The following AKT3 variants were observed in gnomAD, a reference collection of about 807,000 sequenced individuals.
The protein encoded by AKT3 is RAC-gamma serine/threonine-protein kinase.
Under a neutral mutation model 65.3 loss-of-function variants are expected in AKT3, and 15 were observed. That is an observed-to-expected ratio of 0.23 (90% CI 0.15 to 0.35). The LOEUF (loss-of-function observed/expected upper bound fraction) is 0.35. AKT3 is among the 10% of genes least tolerant of loss of function. The pLI is 1.00. For synonymous variants in AKT3, 206 were observed against 183.8 expected, an observed-to-expected ratio of 1.12 and a Z score of -0.98; for missense variants, 243 against 576.5, an observed-to-expected ratio of 0.42 and a Z score of 5.92.
chr1:243,517,968 G>A (rs928618572), intron 12 of AKT3, among the ~76,000 whole-genome samples: 4 of 152,198 alleles, frequency 2.6e-5, no homozygotes, highest in African/African-American at 9.7e-5. Flanking sequence ...ATTCAGTCTT[G>A]CAGCTGAGTA....
intron 2 of AKT3, among the ~76,000 whole-genome samples, chr1:243,710,899 C>T (rs1686103277): frequency 1.3e-5 from 2 of 152,140 alleles, no homozygotes; most frequent in African/African-American, 2.4e-5. Flanking sequence ...CTAGGTGTTC[C>T]AAAGTCTCAT....
At chr1:243,607,772 G>A (rs566438185) in intron 8 of AKT3, among the ~76,000 whole-genome samples, 1 of 152,300 alleles carries the variant, frequency 6.6e-6, no homozygotes, top group East Asian at 1.9e-4. Flanking sequence ...ATCTTGAATT[G>A]TAGCTCCCAA....
At chr1:243,814,871 G>A (rs1558838197) in intron 2 of AKT3, 1 of 152,188 alleles carries the variant, frequency 6.6e-6, no homozygotes. Flanking sequence ...TCAAACAAAG[G>A]ACAATTAGGA....
intron 3 of AKT3, among the ~76,000 whole-genome samples, chr1:243,686,856 G>A (rs1419570963): frequency 6.7e-6 from 1 of 149,378 alleles, no homozygotes; most frequent in Non-Finnish European, 1.5e-5. Flanking sequence ...TAGAGATGGG[G>A]GTTTCATCAT....
At chr1:243,715,684 G>C (rs931387038) in intron 2 of AKT3, among the ~76,000 whole-genome samples, 4 of 151,640 alleles carry the variant, frequency 2.6e-5, no homozygotes, top group Admixed American at 2.6e-4. Flanking sequence ...AAATAAACGA[G>C]GGAAAGAAAA....
At chr1:243,765,365 G>A (rs2148258073) in intron 2 of AKT3, among the ~76,000 whole-genome samples, 1 of 152,114 alleles carries the variant, frequency 6.6e-6, no homozygotes, top group African/African-American at 2.4e-5. Context: ...TACTATTACT[G>A]TTTGATTTTG....
chr1:243,849,386 A>AAC (rs1695655077), intron 1 of AKT3, among the ~76,000 whole-genome samples: 35 of 107,042 alleles, frequency 3.3e-4, no homozygotes, highest in African/African-American at 6.5e-4. Context: ...CCACACACAC[A>AAC]CCCCCCCCCC....
chr1:243,557,163 T>G (rs886499031), intron 10 of AKT3, among the ~76,000 whole-genome samples: 2 of 152,110 alleles, frequency 1.3e-5, no homozygotes, highest in African/African-American at 4.8e-5. Flanking sequence ...AGATCATACT[T>G]ACACATATCT....
At chr1:243,836,091 A>G (rs1172088443) in intron 2 of AKT3, among the ~76,000 whole-genome samples, 2 of 152,152 alleles carry the variant, frequency 1.3e-5, no homozygotes, top group Non-Finnish European at 2.9e-5. Flanking sequence ...AAAGGTAAAG[A>G]TTGTCAAATT....
At chr1:243,754,786 A>C (rs778145767) in intron 2 of AKT3, among the ~76,000 whole-genome samples, 10 of 152,146 alleles carry the variant, frequency 6.6e-5, no homozygotes, top group Non-Finnish European at 1.2e-4. Context: ...GTTCACAGAA[A>C]AACTGTGTTC....
At chr1:243,498,774 G>C (rs1026624220), downstream of AKT3, among the ~76,000 whole-genome samples, 3 of 152,248 alleles carry the variant, frequency 2.0e-5, no homozygotes, top group African/African-American at 7.2e-5. Context: ...TTGGAGTCCA[G>C]CTTGGAAAAT....
intron 8 of AKT3, among the ~76,000 whole-genome samples, chr1:243,581,965 T>C (rs1006839635): frequency 4.6e-5 from 7 of 151,784 alleles, no homozygotes; most frequent in East Asian, 3.9e-4. Flanking sequence ...GCTTTAACAA[T>C]AGACCGGCCC....
intron 6 of AKT3, chr1:243,624,973 TG>T: frequency 3.1e-6 from 1 of 318,808 alleles, no homozygotes; most frequent in Non-Finnish European, 6.5e-6. Context: ...ACCTGCCTAG[TG>T]ACAAAGCCCA....
At chr1:243,609,293 T>C (rs1677683516) in intron 8 of AKT3, among the ~76,000 whole-genome samples, 1 of 152,026 alleles carries the variant, frequency 6.6e-6, no homozygotes, top group Non-Finnish European at 1.5e-5. Flanking sequence ...TAAAATTCTA[T>C]TTCCTACTAA....
intron 6 of AKT3, among the ~76,000 whole-genome samples, chr1:243,631,964 C>T (rs1679642164): frequency 6.6e-6 from 1 of 152,194 alleles, no homozygotes; most frequent in South Asian, 2.1e-4. Flanking sequence ...ACCACCTCTG[C>T]AGTTATTTCC....
chr1:243,732,511 T>C (rs778291443), intron 2 of AKT3, among the ~76,000 whole-genome samples: 1 of 152,240 alleles, frequency 6.6e-6, no homozygotes, highest in Non-Finnish European at 1.5e-5. Context: ...TTCTTAGTGA[T>C]GACGGAGTTG....
intron 8 of AKT3, among the ~76,000 whole-genome samples, chr1:243,606,097 A>T (rs993311785): frequency 1.3e-5 from 2 of 152,334 alleles, no homozygotes; most frequent in Middle Eastern, 6.8e-3. Context: ...GAGTCAATTA[A>T]ACCTCTTTCC....
chr1:243,752,335 G>A (rs1323563703), intron 2 of AKT3, among the ~76,000 whole-genome samples: 3 of 152,112 alleles, frequency 2.0e-5, no homozygotes. Context: ...ACTGCTTTCC[G>A]AACAGCTTTG....
chr1:243,542,643 G>C (rs975348767), intron 12 of AKT3, among the ~76,000 whole-genome samples: 14 of 152,100 alleles, frequency 9.2e-5, no homozygotes, highest in Middle Eastern at 6.8e-3. Flanking sequence ...AAGATATAAG[G>C]ACTCCATTAA....
Sources: gnomAD v4.1 joint callset for allele counts (sites outside exome capture counted in the v4.1 genomes callset) on GRCh38, gnomAD v4.1.1 for gene constraint, MANE v1.5 for transcripts, NCBI Gene and HGNC (gene_info 2026-07-23, HGNC 2026-07-21) for gene names.